The following ASAH2 variants were observed in gnomAD, a reference collection of about 807,000 sequenced individuals.
ASAH2 encodes neutral ceramidase.
A neutral mutation model predicts 82.9 loss-of-function variants in ASAH2; 58 were observed. The ratio of observed to expected loss-of-function variants is 0.70; its 90% confidence interval spans 0.57 to 0.87. The LOEUF is 0.87. Ranked by LOEUF, ASAH2 falls within the 40% of genes least tolerant of loss-of-function variation. The pLI is 0.00. For synonymous variants in ASAH2, 276 were observed against 289.7 expected, an observed-to-expected ratio of 0.95 and a Z score of 0.48; for missense variants, 779 against 834.0, an observed-to-expected ratio of 0.93 and a Z score of 0.81.
chr10:50,202,633 C>T (rs1030384055), intron 16 of ASAH2, among the ~76,000 whole-genome samples, 196 bp downstream of exon 16: 3 of 152,094 alleles, frequency 2.0e-5, no homozygotes. Context: ...AACTAGAATT[C>T]TGACCTGGAC....
intron 4 of ASAH2, among the ~76,000 whole-genome samples, chr10:50,239,734 T>C (rs957181647): frequency 6.6e-6 from 1 of 150,678 alleles, no homozygotes; most frequent in Non-Finnish European, 1.5e-5. Flanking sequence ...AGTACATTAA[T>C]CCATACAAGG....
intron 12 of ASAH2, 101 bp downstream of exon 12, chr10:50,210,722 A>T (rs1480971187): frequency 9.0e-7 from 1 of 1,111,316 alleles, no homozygotes; most frequent in Non-Finnish European, 1.4e-6. Flanking sequence ...CCCTGAGTTT[A>T]AAAATTAATA....
intron 14 of ASAH2, 52 bp downstream of exon 14, chr10:50,204,809 C>A: frequency 7.5e-7 from 1 of 1,333,880 alleles, no homozygotes; most frequent in East Asian, 2.4e-5. Context: ...GCAATTCCAA[C>A]AGAACATACA....
chr10:50,209,131 G>A (rs1189508345), intron 12 of ASAH2, among the ~76,000 whole-genome samples: 1 of 151,966 alleles, frequency 6.6e-6, no homozygotes, highest in Non-Finnish European at 1.5e-5. Context: ...GATACACAAA[G>A]TTTAACTAAA....
intron 7 of ASAH2, among the ~76,000 whole-genome samples, chr10:50,221,834 T>G (rs928305945): frequency 6.6e-6 from 1 of 152,178 alleles, no homozygotes; most frequent in Admixed American, 6.5e-5. Context: ...TGGTTAACTT[T>G]GACTCTGTGC....
rs1021035748 is a variant in ASAH2 at position 50,235,988 on chromosome 10, T to C, written c.587A>G (p.His196Arg). 7 of 1,613,152 alleles carry C rather than the reference T, an allele frequency of 4.3e-6. No individual in the cohort carries two copies. Among genetic ancestry groups the C allele is most frequent in the Non-Finnish European group, 5.9e-6 (7 of 1,179,352 alleles). Residue 196 changes from histidine (H) to arginine (R), a missense_variant, in exon 5 of 21, where the codon CAT becomes CGT. Transcript: ENST00000682911. ...CTGGAAATATCCTGCAGGACCTGAA[T>C]GAGTGTGAGTGCCACTCAGGATGAC... ...DNVILSGTHTHSGPAGYFQYT... is the reference protein window; with the variant it reads ...DNVILSGTHTRSGPAGYFQYT...
chr10:50,199,003 C>T, intron 17 of ASAH2, 48 bp downstream of exon 17: 5 of 1,583,596 alleles, frequency 3.2e-6, no homozygotes, highest in Non-Finnish European at 4.3e-6. Flanking sequence ...CACACACACA[C>T]ACACACACAC....
chr10:50,249,992 A>G (rs933211381), intron 1 of ASAH2, among the ~76,000 whole-genome samples: 1 of 152,220 alleles, frequency 6.6e-6, no homozygotes, highest in Non-Finnish European at 1.5e-5. Context: ...TTTTTATTCA[A>G]TTTGACTTAG....
chr10:50,237,250 T>G (rs1846184841), intron 4 of ASAH2, among the ~76,000 whole-genome samples: 1 of 152,162 alleles, frequency 6.6e-6, no homozygotes, highest in African/African-American at 2.4e-5. Context: ...GAGGATGCCA[T>G]CCACTGTGAT....
At chr10:50,214,650 A>G in intron 9 of ASAH2, 93 bp downstream of exon 9, 4 of 1,508,782 alleles carry the variant, frequency 2.7e-6, no homozygotes, top group Non-Finnish European at 3.7e-6. Flanking sequence ...TGTATACTAG[A>G]AGACAAGGTA....
intron 14 of ASAH2, 58 bp downstream of exon 14, chr10:50,204,803 T>C: frequency 7.7e-7 from 1 of 1,295,994 alleles, no homozygotes; most frequent in Non-Finnish European, 1.1e-6. Context: ...TAAGAAGCAA[T>C]TCCAACAGAA....
intron 7 of ASAH2, among the ~76,000 whole-genome samples, chr10:50,222,973 T>A (rs34717762): frequency 0.15 from 23,051 of 152,146 alleles, 2,056 homozygotes; most frequent in East Asian, 0.33. Context: ...TAAGCATTTT[T>A]AAATAATGCT....
intron 7 of ASAH2, among the ~76,000 whole-genome samples, chr10:50,222,502 A>C (rs1307213085): frequency 6.6e-6 from 1 of 151,818 alleles, no homozygotes; most frequent in African/African-American, 2.4e-5. Context: ...CTGATCTCCA[A>C]CTCCAGAGCT....
At position 50,212,989 on chromosome 10, in the gene ASAH2, T is replaced by C. The variant is rs1303020686; in HGVS notation, c.1210A>G (p.Met404Val). Residue 404 changes from methionine to valine, a missense_variant, in exon 10 of 21, where the codon ATG (methionine) becomes GTG (valine). Physicochemically the swap from Met to Val is conservative, Grantham distance 21 (BLOSUM62 1). Transcript: ENST00000682911. The part of the protein sequence containing the change: ...FDSTQIIGRA[M>V]YQRAKELYAS... ...TGGCTTACCTTTGCTCTCTGATACA[T>C]GGCCCGTCCTATAATTTGTGTGCTG... 1.2e-6 allele frequency: 2 copies of C among 1,613,604 alleles called. No individual in the cohort carries two copies. The highest frequency in any genetic ancestry group is 1.7e-5 in the Admixed American group (1 of 59,968).
chr10:50,202,376 G>A (rs956345828), intron 16 of ASAH2, among the ~76,000 whole-genome samples: 1,559 of 152,058 alleles, frequency 0.01, 21 homozygotes, highest in African/African-American at 0.035. Context: ...TCTGTTTCTT[G>A]ATATATATCA....
intron 7 of ASAH2, among the ~76,000 whole-genome samples, chr10:50,220,690 G>A (rs933669204): frequency 3.9e-5 from 6 of 152,148 alleles, no homozygotes; most frequent in Middle Eastern, 3.4e-3. Flanking sequence ...ATACCTGGGC[G>A]ATGAAATAAT....
chr10:50,235,737 TA>T, intron 5 of ASAH2, 150 bp downstream of exon 5: 1 of 836,282 alleles, frequency 1.2e-6, no homozygotes, highest in Non-Finnish European at 2.0e-6. Context: ...AACAAGAAGC[TA>T]AGATAGAGTC....
At position 50,214,848 on chromosome 10, in the gene ASAH2, A is replaced by G; in HGVS notation, c.1035T>C (p.Phe345=). Residue 345 remains phenylalanine (F), a synonymous_variant, in exon 9 of 21, where the codon TTT becomes TTC. Coordinates refer to ENST00000682911, the MANE Select transcript of ASAH2 (RefSeq NM_019893.4). ...LPGQGPFVAA[F]ASSNLGDVSP... is the part of the protein sequence containing the mutation. Reference sequence around the variant, plus strand: ...ACACATCTCCTAGGTTTGATGAAGCAAAGGCTGCTACAAATGGCCCCTGCC... The same window carrying G: ...ACACATCTCCTAGGTTTGATGAAGCGAAGGCTGCTACAAATGGCCCCTGCC... The G allele has an allele frequency of 6.2e-7, 1 of 1,613,730 alleles. No individual in the cohort carries two copies. The highest frequency in any genetic ancestry group is 8.5e-7 in the Non-Finnish European group (1 of 1,179,672).
intron 7 of ASAH2, among the ~76,000 whole-genome samples, chr10:50,221,719 G>A (rs1845755139): frequency 6.6e-6 from 1 of 151,870 alleles, no homozygotes; most frequent in East Asian, 1.9e-4. Flanking sequence ...TAGATAGATA[G>A]ATAGATAGAT....
Sources: gnomAD v4.1 joint callset for allele counts (sites outside exome capture counted in the v4.1 genomes callset) on GRCh38, gnomAD v4.1.1 for gene constraint, MANE v1.5 for transcripts, NCBI Gene and HGNC (gene_info 2026-07-23, HGNC 2026-07-21) for gene names.